Variants in LMO7 observed in about 807,000 individuals in gnomAD.
LMO7 encodes LIM domain only protein 7.
In LMO7, 120 loss-of-function variants were observed where a neutral mutation model predicts 206.5. The ratio of observed to expected loss-of-function variants is 0.58; its 90% CI spans 0.50 to 0.68. The LOEUF is 0.68. LMO7 is among the 30% of genes least tolerant of loss of function. LMO7 has a pLI of 0.00. For missense variants in LMO7, 1,959 were observed against 1,957.9 expected (o/e 1.00, Z -0.01); for synonymous variants, 706 against 681.5 (o/e 1.04, Z -0.56).
At chr13:75,789,126 A>G (rs2052880670) in intron 4 of LMO7, 1 of 152,156 alleles carries the variant, frequency 6.6e-6, no homozygotes, top group African/African-American at 2.4e-5. Flanking sequence ...TAGGATATGG[A>G]TAAATCTTCC....
In LMO7 at chr13:75,823,826, T is replaced by C. The variant is rs200869696; in HGVS notation, c.2902T>C (p.Ser968Pro). 2.7e-4 allele frequency: 439 copies of C among 1,614,142 alleles called. 1 individual carries two copies. The highest frequency in any genetic ancestry group is 8.5e-4 in the Admixed American group (51 of 60,022). ...ATCTGGTCTTGATTTAATGTCTGAA[T>C]CTGGAGAAGGGGAAATCTCCCCACA... ...STSGLDLMSE[S>P]GEGEISPQRE... Residue 968 changes from serine (S) to proline (P), a missense_variant, in exon 15 of 31, where the codon TCT (serine) becomes CCT (proline). By Grantham distance (74) the Ser-to-Pro change is moderately conservative. Coordinates refer to ENST00000377534, the MANE Select transcript of LMO7 (RefSeq NM_001306080.2).
intron 23 of LMO7, 117 bp downstream of exon 23, chr13:75,841,318 G>A: frequency 7.3e-6 from 5 of 684,898 alleles, no homozygotes; most frequent in Non-Finnish European, 9.9e-6. Context: ...CACCTGTGTA[G>A]CTCTTTGAAA....
chr13:75,638,407 C>T (rs185411786), intron 1 of LMO7, among the ~76,000 whole-genome samples: 2 of 152,092 alleles, frequency 1.3e-5, no homozygotes, highest in Admixed American at 1.3e-4. Context: ...GATATCATTG[C>T]GCATATTACA....
At chr13:75,820,156 G>T (rs893236392) in intron 13 of LMO7, among the ~76,000 whole-genome samples, 2 of 152,170 alleles carry the variant, frequency 1.3e-5, no homozygotes, top group African/African-American at 4.8e-5. Context: ...ATGCTGTCAG[G>T]TGAAATGAAA....
At chr13:75,767,730 C>T (rs78427285) in intron 4 of LMO7, among the ~76,000 whole-genome samples, 3,507 of 152,112 alleles carry the variant, frequency 0.023, 134 homozygotes, top group African/African-American at 0.079. Context: ...GGAACAAGCA[C>T]ATTGAGCAGA....
At chr13:75,628,102 A>T (rs1303269581) in intron 2 of LMO7, 1 of 152,252 alleles carries the variant, frequency 6.6e-6, no homozygotes, top group Non-Finnish European at 1.5e-5. Flanking sequence ...ATGTCTGTGT[A>T]CATGAGACAA....
At chr13:75,845,451 T>C (rs2059913048) in intron 26 of LMO7, 72 bp downstream of exon 26, 1 of 886,208 alleles carries the variant, frequency 1.1e-6, no homozygotes, top group Non-Finnish European at 1.8e-6. Flanking sequence ...AGAAGTATTT[T>C]TAAGGTCAAG....
chr13:75,856,883 C>T (rs529954532), intron 30 of LMO7: 27 of 261,408 alleles, frequency 1.0e-4, no homozygotes, highest in South Asian at 1.4e-4. Context: ...GCCCAGAGTC[C>T]GCAGAGACCT....
In LMO7 at chr13:75,807,992, A is replaced by G; in HGVS notation, c.1709A>G (p.Lys570Arg). 8.7e-6 allele frequency: 14 copies of G among 1,613,952 alleles called. No individual in the cohort carries two copies. Among genetic ancestry groups the G allele is most frequent in the Non-Finnish European group, 1.2e-5 (14 of 1,179,880 alleles). Residue 570 changes from lysine to arginine, a missense_variant, in exon 10 of 31, where the codon AAA becomes AGA. By Grantham distance (26) the Lys-to-Arg change is conservative. Coordinates refer to ENST00000377534, the MANE Select transcript of LMO7 (RefSeq NM_001306080.2). ...GAAAGGACATGCCCATCCAAAGAAA[A>G]AAGTAATAGCTGTAGAATATTAGTT... ...VLERTCPSKE[K>R]SNSCRILVPS...
intron 10 of LMO7, 140 bp from the exon 11 acceptor site, chr13:75,809,014 A>T: frequency 1.4e-6 from 1 of 709,434 alleles, no homozygotes; most frequent in Non-Finnish European, 2.5e-6. Context: ...TTGAGACATG[A>T]TCAAGAATGT....
intron 1 of LMO7, among the ~76,000 whole-genome samples, chr13:75,665,600 C>T (rs2039006857): frequency 1.3e-5 from 2 of 151,514 alleles, no homozygotes; most frequent in Admixed American, 6.6e-5. Context: ...GATCTCAGCT[C>T]ACGGCAACCT....
At position 75,685,959 on chromosome 13, in the gene LMO7, C is replaced by T. The variant is rs138216270; in HGVS notation, c.70-27223C>T. 1.6e-3 allele frequency among the ~76,000 whole-genome samples: 238 copies of T among 145,450 alleles called. 1 individual carries two copies. The highest frequency in any genetic ancestry group is 0.012 in the East Asian group (62 of 4,972). On this transcript the variant is annotated intron_variant, in intron 1 of 30. Transcript: ENST00000377534. ...CACCCAGGCAGTGGCCCAATCATAG[C>T]CTACTGCAGCCTTGATCTCCAGGAC... is the stretch of plus-strand genomic sequence containing the variant.
At chr13:75,738,470 C>T (rs898531903) in intron 3 of LMO7, among the ~76,000 whole-genome samples, 1 of 152,118 alleles carries the variant, frequency 6.6e-6, no homozygotes, top group Non-Finnish European at 1.5e-5. Flanking sequence ...TTTGGGAGGA[C>T]AGTAACCATG....
chr13:75,803,870 T>G (rs1327612017), intron 7 of LMO7, among the ~76,000 whole-genome samples: 2 of 152,266 alleles, frequency 1.3e-5, no homozygotes, highest in East Asian at 3.9e-4. Flanking sequence ...TCACATATAT[T>G]ATAGATAGCT....
At chr13:75,636,886 G>C (rs1224763348) in intron 1 of LMO7, among the ~76,000 whole-genome samples, 160 bp downstream of exon 1, 2 of 152,210 alleles carry the variant, frequency 1.3e-5, no homozygotes, top group African/African-American at 4.8e-5. Flanking sequence ...GGGACTCTGC[G>C]GGTTCTGCCG....
intron 1 of LMO7, among the ~76,000 whole-genome samples, chr13:75,647,785 G>C (rs1245819184): frequency 2.0e-5 from 3 of 152,024 alleles, no homozygotes; most frequent in Non-Finnish European, 4.4e-5. Flanking sequence ...TGCTTTGAAA[G>C]GGTTGCACTT....
chr13:75,857,890 A>G, intron 30 of LMO7, 31 bp from the exon 31 acceptor site: 1 of 1,530,004 alleles, frequency 6.5e-7, no homozygotes, highest in Non-Finnish European at 8.9e-7. Flanking sequence ...GAATCTAAGC[A>G]CTTTTCTTTC....
At chr13:75,838,469 AAAAAAG>A in intron 20 of LMO7, 2 of 777,288 alleles carry the variant, frequency 2.6e-6, no homozygotes, top group South Asian at 1.7e-5. Flanking sequence ...AAAAAAAAAA[AAAAAAG>A]GGAGATGCTC....
At position 75,807,593 on chromosome 13, in the gene LMO7, ATC is replaced by A; in HGVS notation, c.1316_1317del (p.Ser439LeufsTer6). ...CCAAGGCTCATAACCCGCAGGAAGA[ATC>A]TCTCTTATGCACCAGGCTATAGAAG... On this transcript the variant is annotated frameshift_variant, in exon 10 of 31. Transcript: ENST00000377534. LOFTEE classifies it high-confidence loss of function. 6.2e-7 allele frequency: 1 copy of A among 1,614,000 alleles called. No homozygotes were observed. The highest frequency in any genetic ancestry group is 8.5e-7 in the Non-Finnish European group (1 of 1,179,882).
Sources: allele counts gnomAD v4.1 joint callset (sites outside exome capture counted in the v4.1 genomes callset), GRCh38; gene constraint gnomAD v4.1.1; transcripts MANE v1.5; gene names NCBI Gene and HGNC (gene_info 2026-07-23, HGNC 2026-07-21).